Variants in PIP5K1B observed in about 807,000 individuals in gnomAD.
The protein encoded by PIP5K1B is phosphatidylinositol 4-phosphate 5-kinase type-1 beta.
A neutral mutation model predicts 67.0 loss-of-function variants in PIP5K1B; 42 were observed. That is an observed-to-expected ratio of 0.63 (90% confidence interval 0.49 to 0.81). PIP5K1B has a LOEUF of 0.81. PIP5K1B is among the 30% of genes least tolerant of loss of function. The probability of loss-of-function intolerance (pLI) is 0.00; values close to 1 mark genes in which losing one functional copy is unlikely to be tolerated. For synonymous variants in PIP5K1B, 214 were observed against 231.4 expected, an observed-to-expected ratio of 0.92 and a Z score of 0.68; for missense variants, 459 against 646.3, an observed-to-expected ratio of 0.71 and a Z score of 3.14.
At chr9:68,909,755 A>G (rs1825772712) in intron 8 of PIP5K1B, among the ~76,000 whole-genome samples, 1 of 152,114 alleles carries the variant, frequency 6.6e-6, no homozygotes, top group Non-Finnish European at 1.5e-5. Context: ...TTCATATTTG[A>G]TGTCTCCCCT....
intron 4 of PIP5K1B, among the ~76,000 whole-genome samples, chr9:68,860,717 T>C (rs546315925): frequency 8.5e-4 from 130 of 152,274 alleles, no homozygotes; most frequent in Non-Finnish European, 1.4e-3. Flanking sequence ...GAGCCTTAAA[T>C]CCACCTCTGT....
chr9:68,821,661 T>C (rs1833737643), intron 3 of PIP5K1B, among the ~76,000 whole-genome samples: 1 of 152,204 alleles, frequency 6.6e-6, no homozygotes, highest in African/African-American at 2.4e-5. Flanking sequence ...AATTTACCAA[T>C]ATGTAGTAAA....
intron 14 of PIP5K1B, among the ~76,000 whole-genome samples, chr9:68,964,808 T>C (rs1828935545): frequency 6.6e-6 from 1 of 152,228 alleles, no homozygotes; most frequent in African/African-American, 2.4e-5. Context: ...TAGGTTTCCT[T>C]GTAAACGCTG....
intron 1 of PIP5K1B, among the ~76,000 whole-genome samples, chr9:68,726,214 C>G (rs1254918081): frequency 6.6e-6 from 1 of 152,098 alleles, no homozygotes; most frequent in Non-Finnish European, 1.5e-5. Flanking sequence ...ACATCATATG[C>G]CTGTATCAAA....
Position 68,894,591 on chromosome 9 carries a change from A to G in PIP5K1B, c.724A>G (p.Thr242Ala). ...QDMHEGLYFD[T>A]ETYNALMKTL... ...CATGCACGAAGGGTTGTATTTTGAT[A>G]CGGAAACATACAACGCGCTTATGAA... Residue 242 changes from threonine to alanine, a missense_variant, in exon 8 of 16, where the codon ACG (threonine) becomes GCG (alanine). Physicochemically the swap from Thr to Ala is moderately conservative, Grantham distance 58. Around this residue, in one of 2 missense-constraint regions of PIP5K1B, gnomAD observed 290 missense variants for 474.4 expected, o/e 0.61. Transcript: ENST00000265382. 1 of 1,614,134 alleles carries G rather than the reference A, an allele frequency of 6.2e-7. No individual in the cohort carries two copies. Among genetic ancestry groups the G allele is most frequent in the Non-Finnish European group, 8.5e-7 (1 of 1,179,932 alleles).
chr9:68,960,603 A>AT (rs917559979), intron 14 of PIP5K1B, among the ~76,000 whole-genome samples: 4 of 151,296 alleles, frequency 2.6e-5, no homozygotes, highest in Non-Finnish European at 4.4e-5. Context: ...TTTTTACTCT[A>AT]TTTTTTGTGG....
intron 2 of PIP5K1B, chr9:68,780,976 C>G: frequency 6.2e-7 from 1 of 1,614,236 alleles, no homozygotes; most frequent in Non-Finnish European, 8.5e-7. Context: ...CCTGTGTCAC[C>G]TGCCCAAGCG....
rs1822113024 is a variant in PIP5K1B, at chr9:68,844,953, A to C, written c.70-18884A>C. On this transcript the variant is annotated intron_variant, in intron 4 of 15. Coordinates refer to ENST00000265382, the MANE Select transcript of PIP5K1B (RefSeq NM_003558.4). ...CAGCAACTGTAAGTGGGAGGGAAAA[A>C]AAAACAGACATCTAGAAAATGGTGG... 2.6e-5 allele frequency among the ~76,000 whole-genome samples: 4 copies of C among 152,354 alleles called. No homozygotes were observed. The South Asian group carries it at 8.3e-4, about 32-fold the overall frequency.
intron 6 of PIP5K1B, among the ~76,000 whole-genome samples, chr9:68,885,914 G>C (rs150057194): frequency 2.4e-4 from 36 of 152,316 alleles, no homozygotes; most frequent in African/African-American, 8.2e-4. Flanking sequence ...AGGTGCGGTG[G>C]CTCACGCCTG....
At chr9:68,963,041 C>T (rs1354822145) in intron 14 of PIP5K1B, 2 of 358,012 alleles carry the variant, frequency 5.6e-6, no homozygotes, top group Non-Finnish European at 1.1e-5. Context: ...CTCATTGCAT[C>T]GATGAAAGAA....
chr9:68,778,249 G>A (rs1347475059), intron 2 of PIP5K1B, among the ~76,000 whole-genome samples: 7 of 152,254 alleles, frequency 4.6e-5, no homozygotes, highest in East Asian at 3.9e-4. Flanking sequence ...TCGTTCCTTC[G>A]TAAAATGAGT....
intron 2 of PIP5K1B, chr9:68,788,186 A>C: frequency 9.5e-6 from 3 of 315,758 alleles, no homozygotes; most frequent in Admixed American, 5.1e-5. Flanking sequence ...ACTGCAGGCT[A>C]AGGGGAAAAA....
intron 2 of PIP5K1B, among the ~76,000 whole-genome samples, chr9:68,806,895 T>A (rs1832896925): frequency 6.6e-6 from 1 of 152,122 alleles, no homozygotes; most frequent in Non-Finnish European, 1.5e-5. Flanking sequence ...CTTGGAAAAT[T>A]TAATATTCAG....
intron 14 of PIP5K1B, among the ~76,000 whole-genome samples, chr9:68,980,642 G>A (rs1035525989): frequency 3.3e-5 from 5 of 152,060 alleles, no homozygotes; most frequent in African/African-American, 1.2e-4. Flanking sequence ...TTGTGAGATG[G>A]GCTGGGCATC....
At chr9:68,945,819 A>G (rs976833057) in intron 14 of PIP5K1B, among the ~76,000 whole-genome samples, 2 of 152,232 alleles carry the variant, frequency 1.3e-5, no homozygotes, top group African/African-American at 4.8e-5. Context: ...GTTTCAGATG[A>G]TAAGTTTTAG....
At chr9:68,755,215 A>ATG in intron 2 of PIP5K1B, among the ~76,000 whole-genome samples, 1 of 152,340 alleles carries the variant, frequency 6.6e-6, no homozygotes, top group East Asian at 1.9e-4. Context: ...CAAAAAAGAA[A>ATG]TGTTTTCCTT....
At chr9:68,840,888 CT>C (rs1159454914) in intron 4 of PIP5K1B, among the ~76,000 whole-genome samples, 1 of 152,172 alleles carries the variant, frequency 6.6e-6, no homozygotes, top group Non-Finnish European at 1.5e-5. Context: ...ATGTGGACAT[CT>C]TTGGGAGACA....
At chr9:68,812,507 AG>A (rs1382455918) in intron 2 of PIP5K1B, among the ~76,000 whole-genome samples, 9 of 152,248 alleles carry the variant, frequency 5.9e-5, no homozygotes, top group African/African-American at 1.9e-4. Context: ...ATGACACCAT[AG>A]GTTAGCTCTC....
At chr9:68,864,049 A>G in intron 5 of PIP5K1B, 82 bp downstream of exon 5, 1 of 1,324,964 alleles carries the variant, frequency 7.5e-7, no homozygotes, top group Non-Finnish European at 1.1e-6. Context: ...CTTTTCTACT[A>G]TGTACATGTT....
Sources: gnomAD v4.1 joint callset for allele counts (sites outside exome capture counted in the v4.1 genomes callset) on GRCh38, gnomAD v4.1.1 for gene constraint, gnomAD v4.1.1 regional missense constraint, MANE v1.5 for transcripts, NCBI Gene and HGNC (gene_info 2026-07-23, HGNC 2026-07-21) for gene names.